Variants in BAHCC1 observed in about 807,000 individuals in gnomAD.
BAHCC1 encodes BAH domain and coiled-coil containing 1.
A neutral mutation model predicts 88.2 loss-of-function variants in BAHCC1; 43 were observed. The ratio of observed to expected loss-of-function variants is 0.49; its 90% CI spans 0.38 to 0.63. The LOEUF is 0.63. BAHCC1 is among the 20% of genes least tolerant of loss of function. The pLI, the probability that BAHCC1 is intolerant of heterozygous loss-of-function variation, is 0.00. For synonymous variants in BAHCC1, 1,510 were observed against 745.5 expected (o/e 2.03, Z -16.71); for missense variants, 3,023 against 1,654.8 (o/e 1.83, Z -14.34).
rs1555645523 is a variant in BAHCC1 at position 81,399,320 on chromosome 17, C to T, written c.-206-214C>T. ...TGCCCCGGGCCAAGCGTGGCCGGGA[C>T]GGTGCGTGCGCGCGCGGGGCCCCGG... is the stretch of plus-strand genomic sequence containing the variant. On this transcript the variant is annotated intron_variant, in intron 1 of 27. Transcript: ENST00000675386. This position sits in a 1 kb window ranked among gnomAD's most constrained non-coding sequence, Gnocchi z 4.5. The T allele has an allele frequency of 4.9e-6, 1 of 203,350 alleles. No individual in the cohort carries two copies. Among genetic ancestry groups the T allele is most frequent in the Non-Finnish European group, 1.0e-5 (1 of 95,560 alleles). The allele number at this position is 203,350 out of a possible 1,614,324, so 12.6% of individuals were successfully genotyped here. A position where few individuals can be genotyped will look rare whatever the true frequency, so the allele number is the denominator to read the frequency against.
Position 81,442,379 on chromosome 17 carries a change from C to A in BAHCC1, c.1030C>A (p.Leu344Ile). 1 of 703,634 alleles carries A rather than the reference C, an allele frequency of 1.4e-6. No homozygotes were observed. The highest frequency in any genetic ancestry group is 1.8e-5 in the African/African-American group (1 of 56,680). 43.6% of individuals were successfully genotyped at this position (703,634 alleles called of 1,614,324 possible). A position where few individuals can be genotyped will look rare whatever the true frequency, so the allele number is the denominator to read the frequency against. The change falls in exon 5 of 28, where the codon CTA becomes ATA. Residue 344 changes from leucine (L) to isoleucine (I), a missense_variant. Coordinates refer to ENST00000675386, the MANE Select transcript of BAHCC1 (RefSeq NM_001377448.1). ...FSECLERRQM[L>I]HHTASYAGPP... The stretch of plus-strand genomic sequence containing the variant: ...CGAGTGCCTGGAGCGGCGGCAGATG[C>A]TACACCACACCGCATCCTACGCCGG...
intron 10 of BAHCC1, among the ~76,000 whole-genome samples, chr17:81,446,526 C>CTTTTTTTTTTTTTTTTTTTTT (rs869297780): frequency 2.0e-5 from 1 of 49,224 alleles, no homozygotes; most frequent in African/African-American, 8.9e-5. Flanking sequence ...CTGCTCACAC[C>CTTTTTTTTTTTTTTTTTTTTT]TTTTTTTTTT....
chr17:81,409,462 G>C (rs992309943), intron 2 of BAHCC1, among the ~76,000 whole-genome samples: 9 of 152,346 alleles, frequency 5.9e-5, no homozygotes, highest in Admixed American at 6.5e-5. Flanking sequence ...GAGGGTTCTG[G>C]AGGGCCAGGA....
chr17:81,461,409 C>T lies in BAHCC1; in HGVS notation c.6746C>T (p.Pro2249Leu), dbSNP rs116529643. 143 of 724,316 alleles carry T rather than the reference C, an allele frequency of 2.0e-4. 1 individual carries two copies. In the African/African-American group the frequency reaches 2.1e-3, roughly 11 times the overall value. 44.9% of individuals were successfully genotyped at this position (724,316 alleles called of 1,614,324 possible). ...CTGCCCAGCCCCAGCTATGTGCACCCGGCCCTTGTGGGCAAGGACAAGAAG... is the reference window on the plus strand; with the variant it reads ...CTGCCCAGCCCCAGCTATGTGCACCTGGCCCTTGTGGGCAAGGACAAGAAG... ...RPLPSPSYVH[P>L]ALVGKDKKGR... The change falls in exon 26 of 28, where the codon CCG becomes CTG. Residue 2249 changes from proline to leucine, a missense_variant. Pro to Leu is a moderately conservative substitution (Grantham distance 98, BLOSUM62 -3). Coordinates refer to ENST00000675386, the MANE Select transcript of BAHCC1 (RefSeq NM_001377448.1).
At chr17:81,403,313 C>T (rs1241084386) in intron 2 of BAHCC1, among the ~76,000 whole-genome samples, 1 of 152,114 alleles carries the variant, frequency 6.6e-6, no homozygotes, top group African/African-American at 2.4e-5. Flanking sequence ...TGCTCAGATT[C>T]CCCTCCCGCC....
At position 81,460,861 on chromosome 17, in the gene BAHCC1, C is replaced by G. The variant is rs1555659009; in HGVS notation, c.6203-5C>G. 1.3e-6 allele frequency: 1 copy of G among 766,478 alleles called. No homozygotes were observed. The highest frequency in any genetic ancestry group is 2.4e-5 in the East Asian group (1 of 41,234). The allele number at this position is 766,478 out of a possible 1,614,324, so 47.5% of individuals were successfully genotyped here. ...GGGCTGACTCTGCTGGGCTTTTGCC[C>G]TCAGGTAAAGCCGAACTCCTAACCT... On this transcript the variant is annotated splice_polypyrimidine_tract_variant and splice_region_variant and intron_variant, in intron 25 of 27. Coordinates refer to ENST00000675386, the MANE Select transcript of BAHCC1 (RefSeq NM_001377448.1).
In BAHCC1 at chr17:81,399,716, G is replaced by T; in HGVS notation, c.-24G>T. On this transcript the variant is annotated 5_prime_UTR_variant, in exon 2 of 28. Coordinates refer to ENST00000675386, the MANE Select transcript of BAHCC1 (RefSeq NM_001377448.1). This position sits in a 1 kb window ranked among gnomAD's most constrained non-coding sequence, Gnocchi z 4.5. ...GGCCGCGCTGCTCCGAGGAAGCGGC[G>T]GCGGACCGGGGCCGGGGCCCGGCAT... is the stretch of plus-strand genomic sequence containing the variant. 9.7e-7 allele frequency: 1 copy of T among 1,032,404 alleles called. No homozygotes were observed. Among genetic ancestry groups the T allele is most frequent in the South Asian group, 4.4e-5 (1 of 22,588 alleles). The allele number at this position is 1,032,404 out of a possible 1,614,324, so 64.0% of individuals were successfully genotyped here.
intron 27 of BAHCC1, 67 bp downstream of exon 27, chr17:81,463,043 C>T (rs2030439275): frequency 2.8e-6 from 2 of 722,522 alleles, no homozygotes; most frequent in South Asian, 1.5e-5. Flanking sequence ...CGACAGCAGC[C>T]AGCACTGTGC....
intron 2 of BAHCC1, chr17:81,403,115 T>G (rs993807351): frequency 2.0e-5 from 3 of 152,222 alleles, no homozygotes; most frequent in Admixed American, 6.5e-5. Flanking sequence ...CTGGAGCCAC[T>G]GGGGCTGGCG....
At chr17:81,431,075 G>A (rs2064255723) in intron 3 of BAHCC1, among the ~76,000 whole-genome samples, 1 of 148,208 alleles carries the variant, frequency 6.7e-6, no homozygotes, top group Non-Finnish European at 1.5e-5. Flanking sequence ...GGAGGGGACA[G>A]CGTGGGGATC....
rs1555657005 is a variant in BAHCC1, at chr17:81,455,318, T to C, written c.4497T>C (p.Ser1499=). 2.8e-6 allele frequency: 2 copies of C among 717,018 alleles called. No individual in the cohort carries two copies. 44.4% of individuals were successfully genotyped at this position (717,018 alleles called of 1,614,324 possible). A position where few individuals can be genotyped will look rare whatever the true frequency, so the allele number is the denominator to read the frequency against. Residue 1499 remains serine, a synonymous_variant, in exon 15 of 28, where the codon AGT becomes AGC. Coordinates refer to ENST00000675386, the MANE Select transcript of BAHCC1 (RefSeq NM_001377448.1). ...TGTGTGCGGAGCTGCGAGGAGGCAG[T>C]GGGGGCGAGCCTGCGAAGAAGCGAA... The part of the protein sequence containing the change: ...GLLCAELRGG[S]GGEPAKKRSK...
intron 2 of BAHCC1, chr17:81,400,684 A>G (rs2063804749): frequency 6.5e-6 from 1 of 153,524 alleles, no homozygotes; most frequent in African/African-American, 2.4e-5. Context: ...ATTTGCTCCA[A>G]GAGGAGAGCG....
In BAHCC1 at chr17:81,458,292, AGCCAAGGGCAAG is replaced by A. The variant is rs782617821; in HGVS notation, c.5180_5191del (p.Lys1727_Gly1730del). The A allele has an allele frequency of 1.3e-6, 1 of 749,822 alleles. No homozygotes were observed. Among genetic ancestry groups the A allele is most frequent in the East Asian group, 2.5e-5 (1 of 39,800 alleles). 46.4% of individuals were successfully genotyped at this position (749,822 alleles called of 1,614,324 possible). ...CCCCAGGTGCGCTGGGCAAGAAGAA[AGCCAAGGGCAAG>A]GCCAAGGGCAGCCTGCGGGCAGAGC... is the stretch of plus-strand genomic sequence containing the variant. On this transcript the variant is annotated inframe_deletion, in exon 18 of 28. Coordinates refer to ENST00000675386, the MANE Select transcript of BAHCC1 (RefSeq NM_001377448.1).
At chr17:81,457,320 C>T (rs2064767599) in intron 16 of BAHCC1, 90 bp from the exon 17 acceptor site, 1 of 675,246 alleles carries the variant, frequency 1.5e-6, no homozygotes, top group Admixed American at 2.1e-5. Context: ...ACAGCCCCGC[C>T]ATAACCGCAT....
Position 81,430,589 on chromosome 17 carries a change from C to G in BAHCC1, c.358+3610C>G, listed in dbSNP as rs919960224. Reference sequence around the variant, plus strand: ...TCGTCCCCTCTGAGGTCTCAGGACTCGCTGGTGCTGCTGGGAGTGAGCAGG... The same window carrying G: ...TCGTCCCCTCTGAGGTCTCAGGACTGGCTGGTGCTGCTGGGAGTGAGCAGG... On this transcript the variant is annotated intron_variant, in intron 3 of 27. Transcript: ENST00000675386. Among the ~76,000 whole-genome samples, 13 of 152,306 alleles carry G rather than the reference C, an allele frequency of 8.5e-5. No individual in the cohort carries two copies. In the South Asian group the frequency reaches 2.3e-3, roughly 27 times the overall value.
chr17:81,399,094 T>G lies in BAHCC1; in HGVS notation c.-206-440T>G. On this transcript the variant is annotated intron_variant, in intron 1 of 27. Coordinates refer to ENST00000675386, the MANE Select transcript of BAHCC1 (RefSeq NM_001377448.1). This position sits in a 1 kb window ranked among gnomAD's most constrained non-coding sequence, Gnocchi z 4.5. ...CAGGCCTTTTCCTCCGAGACACCTT[T>G]GGGCAGCGGGGGAGGGGAGAGGGTG... 4.3e-6 allele frequency: 1 copy of G among 230,146 alleles called. No homozygotes were observed. The highest frequency in any genetic ancestry group is 9.7e-6 in the Non-Finnish European group (1 of 103,238). The allele number at this position is 230,146 out of a possible 1,614,324, so 14.3% of individuals were successfully genotyped here.
At chr17:81,410,139 C>T (rs2063931471) in intron 2 of BAHCC1, 2 of 273,168 alleles carry the variant, frequency 7.3e-6, no homozygotes, top group South Asian at 2.7e-5. Context: ...CTCCCAGGAG[C>T]ACTGTGGCCG....
chr17:81,443,254 C>T lies in BAHCC1; in HGVS notation c.1905C>T (p.Asn635=), dbSNP rs782726933. 2 of 779,502 alleles carry T rather than the reference C, an allele frequency of 2.6e-6. No individual in the cohort carries two copies. The highest frequency in any genetic ancestry group is 1.3e-5 in the South Asian group (1 of 74,630). The allele number at this position is 779,502 out of a possible 1,614,324, so 48.3% of individuals were successfully genotyped here. ...CGGACGAGGTCTCAGCCATGAAGAA[C>T]CTGCTCAAATACAGCAGCCAGGCCC... ...APPDEVSAMK[N]LLKYSSQALV... The change falls in exon 5 of 28, where the codon AAC becomes AAT. Residue 635 remains asparagine (N), a synonymous_variant. Coordinates refer to ENST00000675386, the MANE Select transcript of BAHCC1 (RefSeq NM_001377448.1).
rs1318204982 is a variant in BAHCC1, at chr17:81,442,805, A to T, written c.1456A>T (p.Ser486Cys). Residue 486 changes from serine to cysteine, a missense_variant, in exon 5 of 28, where the codon AGC (serine) becomes TGC (cysteine). Ser to Cys is a moderately radical substitution (Grantham distance 112). Coordinates refer to ENST00000675386, the MANE Select transcript of BAHCC1 (RefSeq NM_001377448.1). ...GGCCTCCTTCCCCGGACTCCCTAAAAGCGGTCTGGACAAAAGCGGCTACTT... is the reference window on the plus strand; with the variant it reads ...GGCCTCCTTCCCCGGACTCCCTAAATGCGGTCTGGACAAAAGCGGCTACTT... ...PEASFPGLPK[S>C]GLDKSGYFEL... is the part of the protein sequence containing the mutation. The T allele has an allele frequency of 5.1e-6, 4 of 779,436 alleles. No homozygotes were observed. The highest frequency in any genetic ancestry group is 3.4e-5 in the Admixed American group (2 of 59,022). The allele number at this position is 779,436 out of a possible 1,614,324, so 48.3% of individuals were successfully genotyped here. A position where few individuals can be genotyped will look rare whatever the true frequency, so the allele number is the denominator to read the frequency against.
Sources: allele counts gnomAD v4.1 joint callset (sites outside exome capture counted in the v4.1 genomes callset), GRCh38; gene constraint gnomAD v4.1.1; non-coding constraint Gnocchi (gnomAD v3.1); transcripts MANE v1.5; gene names NCBI Gene and HGNC (gene_info 2026-07-23, HGNC 2026-07-21).